PAK4: variants seen among roughly 807,000 people sequenced by gnomAD.
PAK4 encodes the protein p21 (RAC1) activated kinase 4, also known as serine/threonine-protein kinase PAK 4.
In PAK4, 49 loss-of-function variants were observed where a neutral mutation model predicts 53.5. The ratio of observed to expected loss-of-function variants is 0.92; its 90% CI spans 0.73 to 1.16. The LOEUF (loss-of-function observed/expected upper bound fraction) is 1.16, where lower values mean the gene tolerates loss of function less well. Ranked by LOEUF, PAK4 falls within the 50% of genes most tolerant of loss-of-function variation. The pLI is 0.00. For synonymous variants in PAK4, 376 were observed against 375.6 expected, an observed-to-expected ratio of 1.00 and a Z score of -0.01; for missense variants, 824 against 850.7, an observed-to-expected ratio of 0.97 and a Z score of 0.39.
chr19:39,157,121 G>A (rs937261961), intron 1 of PAK4, among the ~76,000 whole-genome samples: 5 of 152,156 alleles, frequency 3.3e-5, no homozygotes. Context: ...GTTTCCGTGA[G>A]ACTGTGCCTC....
chr19:39,131,325 G>A (rs2073706363), intron 1 of PAK4, among the ~76,000 whole-genome samples: 1 of 152,046 alleles, frequency 6.6e-6, no homozygotes, highest in South Asian at 2.1e-4. Flanking sequence ...CTGGGCGCTG[G>A]GTCCCTACCT....
rs1026603030 is a variant in PAK4 at position 39,174,850 on chromosome 19, G to C, written c.1099-81G>C. On this transcript the variant is annotated intron_variant, in intron 4 of 8. Transcript: ENST00000358301. ...CAAGCTTAATGTGGAACTGCAGGGG[G>C]AGCCAGGGGGGTGGCGGTGGCTGGG... 3.9e-6 allele frequency: 6 copies of C among 1,542,382 alleles called. No homozygotes were observed. The African/African-American group carries it at 8.2e-5, about 21-fold the overall frequency.
intron 1 of PAK4, among the ~76,000 whole-genome samples, chr19:39,146,995 A>G (rs930686763): frequency 1.3e-5 from 2 of 152,080 alleles, no homozygotes; most frequent in African/African-American, 4.8e-5. Context: ...AGTTTTCCCC[A>G]ATGGTAACAC....
chr19:39,152,636 T>TCA (rs1375986393), intron 1 of PAK4, among the ~76,000 whole-genome samples: 1 of 152,084 alleles, frequency 6.6e-6, no homozygotes, highest in Non-Finnish European at 1.5e-5. Context: ...CTGTCACACC[T>TCA]CAAACTGCGA....
intron 1 of PAK4, among the ~76,000 whole-genome samples, chr19:39,139,901 A>G (rs1345708142): frequency 6.6e-6 from 1 of 151,880 alleles, no homozygotes; most frequent in Non-Finnish European, 1.5e-5. Flanking sequence ...AATGGCAACA[A>G]ATGTGTTTTA....
intron 1 of PAK4, among the ~76,000 whole-genome samples, chr19:39,163,934 C>T (rs918048776): frequency 6.6e-6 from 1 of 152,176 alleles, no homozygotes; most frequent in African/African-American, 2.4e-5. Context: ...AGAGGACAGT[C>T]CCTGCCCTGT....
intron 1 of PAK4, chr19:39,152,364 T>A (rs186436042): frequency 1.5e-4 from 23 of 152,338 alleles, no homozygotes; most frequent in African/African-American, 5.1e-4. Flanking sequence ...TCACATCCAC[T>A]GTTGCCGTAT....
At chr19:39,171,482 G>A (rs911737365) in intron 2 of PAK4, among the ~76,000 whole-genome samples, 3 of 152,210 alleles carry the variant, frequency 2.0e-5, no homozygotes, top group South Asian at 2.1e-4. Flanking sequence ...GATTATAGGC[G>A]TGAGCCACTG....
At chr19:39,146,224 C>G (rs2073997314) in intron 1 of PAK4, among the ~76,000 whole-genome samples, 1 of 68,088 alleles carries the variant, frequency 1.5e-5, no homozygotes, top group Non-Finnish European at 3.3e-5. Context: ...AGACATGGTA[C>G]TAGGCAGTGA....
downstream of PAK4, chr19:39,182,065 G>A (rs957271146): frequency 7.2e-5 from 11 of 152,306 alleles, no homozygotes; most frequent in African/African-American, 2.4e-4. Context: ...GCCCACTCAC[G>A]TTTGAGAACC....
rs746243695 is a variant in PAK4 at position 39,178,572 on chromosome 19, C to T, written c.1769C>T (p.Thr590Ile). The change falls in exon 9 of 9, where the codon ACC becomes ATC. Residue 590 changes from threonine to isoleucine, a missense_variant. By Grantham distance (89) the Thr-to-Ile change is moderately conservative. Transcript: ENST00000358301. The surrounding 1 kb of genome is among the most constrained non-coding windows in gnomAD (Gnocchi z 4.4). ...GTGCCCCTCATGCGCCAGAACCGCA[C>T]CAGATGAGGCCCAGCGCCCTTCCCC... 3 of 1,592,642 alleles carry T rather than the reference C, an allele frequency of 1.9e-6. No individual in the cohort carries two copies. In the South Asian group the frequency reaches 3.4e-5, roughly 18 times the overall value.
chr19:39,163,780 G>A (rs1156792465), intron 1 of PAK4, among the ~76,000 whole-genome samples: 1 of 152,166 alleles, frequency 6.6e-6, no homozygotes, highest in Non-Finnish European at 1.5e-5. Context: ...CTGCCCCCAG[G>A]TCCCAGCTGC....
intron 1 of PAK4, among the ~76,000 whole-genome samples, chr19:39,153,479 T>A (rs1417799774): frequency 3.9e-5 from 6 of 152,188 alleles, no homozygotes; most frequent in Admixed American, 2.6e-4. Flanking sequence ...TCTCACTCTG[T>A]CACCCAGGCT....
Position 39,178,546 on chromosome 19 carries a change from C to T in PAK4, c.1743C>T (p.Ile581=), listed in dbSNP as rs1001322651. The T allele has an allele frequency of 3.7e-6, 6 of 1,609,682 alleles. No homozygotes were observed. The highest frequency in any genetic ancestry group is 2.2e-5 in the East Asian group (1 of 44,788). Reference sequence around the variant, plus strand: ...CCAAGGCAGGGCCGCCTGCCAGCATCGTGCCCCTCATGCGCCAGAACCGCA... The same window carrying T: ...CCAAGGCAGGGCCGCCTGCCAGCATTGTGCCCCTCATGCGCCAGAACCGCA... The change falls in exon 9 of 9, where the codon ATC becomes ATT. Residue 581 remains isoleucine (I), a synonymous_variant. Coordinates refer to ENST00000358301, the Ensembl canonical transcript of PAK4. The surrounding 1 kb of genome is among the most constrained non-coding windows in gnomAD (Gnocchi z 4.4).
At chr19:39,127,270 C>G (rs1349557284) in intron 1 of PAK4, among the ~76,000 whole-genome samples, 1 of 151,954 alleles carries the variant, frequency 6.6e-6, no homozygotes, top group African/African-American at 2.4e-5. Flanking sequence ...ATGGCTCTGC[C>G]CATTTCTCCC....
chr19:39,133,049 A>G (rs1053324270), intron 1 of PAK4, among the ~76,000 whole-genome samples: 1 of 152,218 alleles, frequency 6.6e-6, no homozygotes, highest in Non-Finnish European at 1.5e-5. Flanking sequence ...TGTGGCACTC[A>G]AACCTTGGCT....
chr19:39,179,025 C>T lies in PAK4; in HGVS notation c.*446C>T, dbSNP rs114113304. 1,364 of 153,782 alleles carry T rather than the reference C, an allele frequency of 8.9e-3. 10 individuals are homozygous for T. The highest frequency in any genetic ancestry group is 0.027 in the African/African-American group (1,110 of 41,504). 9.5% of individuals were successfully genotyped at this position (153,782 alleles called of 1,614,324 possible). The stretch of plus-strand genomic sequence containing the variant: ...CCTGCAAGGGGTGTCTGGCGCCTTG[C>T]CTGACACCCAGCCCCCTCTCCCCCT... On this transcript the variant is annotated 3_prime_UTR_variant, in exon 9 of 9. Transcript: ENST00000358301.
chr19:39,179,521 G>A (rs1022261332), downstream of PAK4: 1 of 152,194 alleles, frequency 6.6e-6, no homozygotes, highest in African/African-American at 2.4e-5. Context: ...GGCAGGGCAA[G>A]GGTGGGGTGG....
intron 1 of PAK4, among the ~76,000 whole-genome samples, chr19:39,148,311 CA>C (rs929662020): frequency 2.0e-5 from 3 of 151,700 alleles, no homozygotes; most frequent in Admixed American, 2.0e-4. Flanking sequence ...TATTCTCTCC[CA>C]GTTTGTAGCA....
Sources: allele counts gnomAD v4.1 joint callset (sites outside exome capture counted in the v4.1 genomes callset), GRCh38; gene constraint gnomAD v4.1.1; non-coding constraint Gnocchi (gnomAD v3.1); transcripts MANE v1.5; gene names NCBI Gene and HGNC (gene_info 2026-07-23, HGNC 2026-07-21).